Variants in SLC44A5 observed in about 807,000 individuals in gnomAD.
SLC44A5 encodes the protein solute carrier family 44 member 5, also known as choline transporter-like protein 5.
In SLC44A5, 57 loss-of-function variants were observed where a neutral mutation model predicts 101.8. The observed-to-expected ratio is 0.56, with a 90% CI of 0.45 to 0.70. The LOEUF (loss-of-function observed/expected upper bound fraction) is 0.70. SLC44A5 is among the 30% of genes least tolerant of loss of function. The pLI, the probability that SLC44A5 is intolerant of heterozygous loss-of-function variation, is 0.00. For synonymous variants in SLC44A5, 281 were observed against 290.9 expected, an observed-to-expected ratio of 0.97 and a Z score of 0.35; for missense variants, 737 against 853.1, an observed-to-expected ratio of 0.86 and a Z score of 1.70.
intron 3 of SLC44A5, among the ~76,000 whole-genome samples, chr1:75,348,294 A>C (rs1658401665): frequency 6.6e-6 from 1 of 152,186 alleles, no homozygotes; most frequent in Admixed American, 6.6e-5. Flanking sequence ...GGGAGAATCC[A>C]GAGAAAGAAA....
At chr1:75,320,724 C>T (rs902503681) in intron 4 of SLC44A5, among the ~76,000 whole-genome samples, 1 of 152,104 alleles carries the variant, frequency 6.6e-6, no homozygotes, top group African/African-American at 2.4e-5. Flanking sequence ...CTCCTAACTG[C>T]TTAACATTAA....
intron 2 of SLC44A5, among the ~76,000 whole-genome samples, chr1:75,437,758 T>C (rs1479560414): frequency 6.6e-6 from 1 of 152,118 alleles, no homozygotes; most frequent in African/African-American, 2.4e-5. Context: ...GGGCAATAGT[T>C]TTGTAAGCTT....
At chr1:75,327,215 C>T (rs1292586882) in intron 4 of SLC44A5, among the ~76,000 whole-genome samples, 6 of 151,948 alleles carry the variant, frequency 3.9e-5, no homozygotes, top group African/African-American at 1.5e-4. Flanking sequence ...TTCCTGAAGA[C>T]ATTCAGTAAA....
At chr1:75,641,414 T>G in the SLC44A5 span, 1 of 1,082,814 alleles carries the variant, frequency 9.2e-7, no homozygotes, top group South Asian at 1.2e-5. Flanking sequence ...TACATTGCTT[T>G]GTGGAGAATA....
chr1:75,559,326 C>A (rs1371501833), intron 1 of SLC44A5, among the ~76,000 whole-genome samples: 1 of 151,914 alleles, frequency 6.6e-6, no homozygotes, highest in Non-Finnish European at 1.5e-5. Flanking sequence ...AAGAGGAAAG[C>A]AGAACAGCCT....
At chr1:75,712,995 C>T in the SLC44A5 span, among the ~76,000 whole-genome samples, 1 of 152,146 alleles carries the variant, frequency 6.6e-6, no homozygotes, top group Admixed American at 6.6e-5. Flanking sequence ...CAAAAGCTCA[C>T]TCCACGATGA....
Position 75,203,735 on chromosome 1 carries a change from T to A in SLC44A5, c.2146A>T (p.Lys716Ter). The change falls in exon 24 of 24, where the codon AAG (lysine) becomes TAG (stop). Residue 716 changes from lysine to a stop codon, truncating the protein, a stop_gained. Coordinates refer to ENST00000370859, the MANE Select transcript of SLC44A5 (RefSeq NM_001130058.2). LOFTEE classifies it high-confidence loss of function. ...ACGACCAGTTTGCTCTTCTACTGCT[T>A]CCTAGTTTGTGGATTTTCCTCCTGG... is the stretch of plus-strand genomic sequence containing the variant. ...IFQEENPQTR[K>*]Q The A allele has an allele frequency of 6.5e-7, 1 of 1,548,880 alleles. No homozygotes were observed. The highest frequency in any genetic ancestry group is 8.7e-7 in the Non-Finnish European group (1 of 1,145,742).
chr1:75,479,582 C>A (rs1452114362), intron 2 of SLC44A5, among the ~76,000 whole-genome samples: 1 of 125,814 alleles, frequency 7.9e-6, no homozygotes, highest in Non-Finnish European at 1.7e-5. Flanking sequence ...ACCACTGATC[C>A]CACAGAAATA....
At chr1:75,723,212 T>C in the SLC44A5 span, among the ~76,000 whole-genome samples, 1 of 152,200 alleles carries the variant, frequency 6.6e-6, no homozygotes, top group Non-Finnish European at 1.5e-5. Flanking sequence ...GCGTGTGTGC[T>C]CTCGTGGCAA....
intron 2 of SLC44A5, among the ~76,000 whole-genome samples, chr1:75,430,521 C>T (rs572273011): frequency 1.4e-4 from 21 of 152,288 alleles, no homozygotes; most frequent in African/African-American, 5.1e-4. Context: ...TGTTTCCTTA[C>T]TGATCACTGT....
At chr1:75,556,967 G>T (rs142104969) in intron 1 of SLC44A5, among the ~76,000 whole-genome samples, 276 of 152,174 alleles carry the variant, frequency 1.8e-3, no homozygotes, top group African/African-American at 6.2e-3. Context: ...AGACATAAGG[G>T]TCATACTGGC....
the SLC44A5 span, among the ~76,000 whole-genome samples, chr1:75,687,011 G>A: frequency 1.3e-5 from 2 of 152,172 alleles, no homozygotes; most frequent in Non-Finnish European, 2.9e-5. Flanking sequence ...CAGAGTGGTC[G>A]CAGAAGAATA....
chr1:75,697,454 T>C, the SLC44A5 span, among the ~76,000 whole-genome samples: 10 of 152,206 alleles, frequency 6.6e-5, no homozygotes, highest in Non-Finnish European at 1.2e-4. Context: ...ATCCAAGTAT[T>C]ATTGACTTCT....
chr1:75,710,487 C>G, the SLC44A5 span: 6 of 142,746 alleles, frequency 4.2e-5, no homozygotes. Context: ...TCACTTGAGC[C>G]CAGGAGGTCA....
intron 4 of SLC44A5, among the ~76,000 whole-genome samples, chr1:75,305,763 A>C (rs920354704): frequency 5.9e-5 from 9 of 152,206 alleles, no homozygotes; most frequent in African/African-American, 2.2e-4. Flanking sequence ...ATTTACTCTC[A>C]AAAAAGCTCC....
At chr1:75,300,583 A>T in intron 5 of SLC44A5, 29 bp downstream of exon 5, 1 of 1,451,582 alleles carries the variant, frequency 6.9e-7, no homozygotes, top group Non-Finnish European at 9.5e-7. Flanking sequence ...AGCAAGTGTT[A>T]AATATTTTCT....
At chr1:75,384,892 G>T (rs187323992) in intron 3 of SLC44A5, among the ~76,000 whole-genome samples, 2 of 151,092 alleles carry the variant, frequency 1.3e-5, no homozygotes, top group African/African-American at 4.8e-5. Context: ...TAGAACTCAG[G>T]ATTAAGAATC....
At chr1:75,395,059 C>A (rs1194063666) in intron 3 of SLC44A5, among the ~76,000 whole-genome samples, 6 of 152,018 alleles carry the variant, frequency 3.9e-5, no homozygotes, top group Non-Finnish European at 8.8e-5. Flanking sequence ...TCCATTCAAG[C>A]AGAAGCAGCA....
chr1:75,456,821 T>C (rs1028677128), intron 2 of SLC44A5, among the ~76,000 whole-genome samples: 1 of 152,222 alleles, frequency 6.6e-6, no homozygotes, highest in Non-Finnish European at 1.5e-5. Context: ...GGCTTCACAC[T>C]CCCAAGAGAA....
Sources: allele counts gnomAD v4.1 joint callset (sites outside exome capture counted in the v4.1 genomes callset), GRCh38; gene constraint gnomAD v4.1.1; transcripts MANE v1.5; gene names NCBI Gene and HGNC (gene_info 2026-07-23, HGNC 2026-07-21).